RBM5: variants seen among roughly 807,000 people sequenced by gnomAD.
RBM5 encodes the protein RNA-binding protein 5.
A neutral mutation model predicts 124.6 loss-of-function variants in RBM5; 15 were observed. The ratio of observed to expected loss-of-function variants is 0.12; its 90% CI spans 0.08 to 0.19. The LOEUF is 0.19. Among genes scored for constraint, RBM5 ranks in the 10% least tolerant of loss-of-function variants. The pLI, the probability that RBM5 is intolerant of heterozygous loss-of-function variation, is 1.00. For synonymous variants in RBM5, 337 were observed against 361.2 expected (o/e 0.93, Z 0.76); for missense variants, 580 against 1,026.5 (o/e 0.57, Z 5.94).
At chr3:50,104,872 G>A (rs2091001110) in intron 8 of RBM5, 3 of 505,410 alleles carry the variant, frequency 5.9e-6, no homozygotes, top group Admixed American at 6.4e-5. Context: ...GTGCAGGGTA[G>A]TGTCAGTCCC....
intron 15 of RBM5, 93 bp from the exon 16 acceptor site, chr3:50,110,286 C>T: frequency 1.9e-6 from 2 of 1,048,554 alleles, no homozygotes; most frequent in Non-Finnish European, 2.9e-6. Flanking sequence ...GTGTGTCTGT[C>T]AGGGGAGCCC....
At chr3:50,113,730 C>G (rs923756094) in intron 18 of RBM5, among the ~76,000 whole-genome samples, 186 bp downstream of exon 18, 12 of 152,082 alleles carry the variant, frequency 7.9e-5, no homozygotes, top group Non-Finnish European at 1.6e-4. Flanking sequence ...AGCCTGTGTA[C>G]TTAGGGAAAA....
intron 4 of RBM5, among the ~76,000 whole-genome samples, chr3:50,097,513 C>G (rs1478159759): frequency 6.6e-6 from 1 of 151,770 alleles, no homozygotes; most frequent in Non-Finnish European, 1.5e-5. Context: ...TGTAGTCTTG[C>G]AGCCGTTGCA....
intron 2 of RBM5, among the ~76,000 whole-genome samples, chr3:50,090,922 A>G (rs1272426792): frequency 6.6e-6 from 1 of 152,236 alleles, no homozygotes; most frequent in Non-Finnish European, 1.5e-5. Context: ...GAATAGCAAG[A>G]TGATCCAGAC....
At chr3:50,093,332 G>A (rs527626910) in intron 3 of RBM5, among the ~76,000 whole-genome samples, 87 of 151,224 alleles carry the variant, frequency 5.8e-4, no homozygotes, top group Admixed American at 1.5e-3. Flanking sequence ...CCAACTACTC[G>A]GGAGGCTGAA....
chr3:50,112,332 C>T (rs999306085), intron 17 of RBM5, among the ~76,000 whole-genome samples: 2 of 143,646 alleles, frequency 1.4e-5, no homozygotes, highest in East Asian at 2.0e-4. Flanking sequence ...AGGAGAATGG[C>T]GTGAACCCGG....
In RBM5 at chr3:50,090,278, T is replaced by G. The variant is rs532669456; in HGVS notation, c.-53-104T>G. ...ACCTTAGATAATCACTGTCAATGAT[T>G]TGAAGGTTTGATGAAATCCCAGCCT... On this transcript the variant is annotated intron_variant, in intron 1 of 24. Transcript: ENST00000347869. 78 of 692,596 alleles carry G rather than the reference T, an allele frequency of 1.1e-4. No individual in the cohort carries two copies. The Admixed American group carries it at 2.4e-3, about 21-fold the overall frequency. 42.9% of individuals were successfully genotyped at this position (692,596 alleles called of 1,614,324 possible).
intron 21 of RBM5, 118 bp from the exon 22 acceptor site, chr3:50,115,788 T>C (rs2091239355): frequency 8.3e-7 from 1 of 1,201,046 alleles, no homozygotes; most frequent in Non-Finnish European, 1.2e-6. Flanking sequence ...ATAGTTTTTA[T>C]GTGATTGTGT....
At chr3:50,115,702 C>A in intron 21 of RBM5, 95 bp downstream of exon 21, 1 of 1,419,742 alleles carries the variant, frequency 7.0e-7, no homozygotes, top group Non-Finnish European at 9.6e-7. Context: ...AAATACCTGC[C>A]ATCTAATGAT....
intron 4 of RBM5, among the ~76,000 whole-genome samples, chr3:50,097,089 G>A (rs1278404869): frequency 6.6e-6 from 1 of 152,092 alleles, no homozygotes; most frequent in African/African-American, 2.4e-5. Flanking sequence ...GTCTAGCTAA[G>A]CCTAAAAGAA....
chr3:50,107,927 C>A (rs146773930), intron 12 of RBM5, 143 bp from the exon 13 acceptor site: 74 of 694,004 alleles, frequency 1.1e-4, no homozygotes, highest in African/African-American at 8.7e-4. Flanking sequence ...CTCAGGTGAT[C>A]CACCCACGTC....
rs752041306 is a variant in RBM5, at chr3:50,115,919, T to C, written c.2033T>C (p.Ile678Thr). The C allele has an allele frequency of 2.5e-6, 4 of 1,613,400 alleles. No homozygotes were observed. Among genetic ancestry groups the C allele is most frequent in the Non-Finnish European group, 3.4e-6 (4 of 1,179,346 alleles). Residue 678 changes from isoleucine to threonine, a missense_variant, in exon 22 of 25, where the codon ATC becomes ACC. By Grantham distance (89) the Ile-to-Thr change is moderately conservative (BLOSUM62 -1). Transcript: ENST00000347869. Reference sequence around the variant, plus strand: ...TCTTTTGTGTAGCAAAACATGGACATCTATCGACGATCCAGGCTGAGCGAG... The same window carrying C: ...TCTTTTGTGTAGCAAAACATGGACACCTATCGACGATCCAGGCTGAGCGAG... ...LSDLHKQNMD[I>T]YRRSRLSEQE...
Position 50,117,016 on chromosome 3 carries a change from A to C in RBM5, c.2095-58A>C. 6.7e-7 allele frequency: 1 copy of C among 1,490,796 alleles called. No individual in the cohort carries two copies. The highest frequency in any genetic ancestry group is 9.4e-7 in the Non-Finnish European group (1 of 1,068,872). 92.3% of individuals were successfully genotyped at this position (1,490,796 alleles called of 1,614,324 possible). On this transcript the variant is annotated intron_variant, in intron 22 of 24. Coordinates refer to ENST00000347869, the MANE Select transcript of RBM5 (RefSeq NM_005778.4). The surrounding 1 kb of genome is among the most constrained non-coding windows in gnomAD (Gnocchi z 4.2). ...GGGGATAGTTTTGAATAGGTGCATT[A>C]GACGGTTACAGGTTGAAGTCTGTGA...
At chr3:50,096,950 G>C (rs897775679) in intron 4 of RBM5, among the ~76,000 whole-genome samples, 2 of 152,082 alleles carry the variant, frequency 1.3e-5, no homozygotes, top group Non-Finnish European at 2.9e-5. Context: ...CACATGAGCA[G>C]GGAATAGAAA....
chr3:50,115,997 G>T lies in RBM5; in HGVS notation c.2094+17G>T. On this transcript the variant is annotated intron_variant, in intron 22 of 24. Transcript: ENST00000347869. The stretch of plus-strand genomic sequence containing the variant: ...GAGAGAGAGGTGAATGGGAAACTGT[G>T]CCACAAGGAAGAGGATATTGGGATA... The T allele has an allele frequency of 1.3e-6, 2 of 1,599,484 alleles. No individual in the cohort carries two copies. Among genetic ancestry groups the T allele is most frequent in the Non-Finnish European group, 1.7e-6 (2 of 1,166,736 alleles).
At chr3:50,105,005 G>T in intron 8 of RBM5, 72 bp from the exon 9 acceptor site, 2 of 1,168,708 alleles carry the variant, frequency 1.7e-6, no homozygotes, top group Non-Finnish European at 1.3e-6. Flanking sequence ...AAAACTTGTG[G>T]GGATTTTAAT....
At chr3:50,102,998 T>G in intron 6 of RBM5, 85 bp from the exon 7 acceptor site, 1 of 1,083,704 alleles carries the variant, frequency 9.2e-7, no homozygotes, top group African/African-American at 1.6e-5. Context: ...TCCAGAGCAC[T>G]GATTTTTCCG....
intron 6 of RBM5, chr3:50,102,527 A>G (rs2090959941): frequency 6.5e-6 from 1 of 152,700 alleles, no homozygotes; most frequent in African/African-American, 2.4e-5. Flanking sequence ...GTCCCTCTTG[A>G]GAAAGAATTG....
At chr3:50,090,133 A>G in intron 1 of RBM5, 1 of 297,032 alleles carries the variant, frequency 3.4e-6, no homozygotes, top group Non-Finnish European at 6.5e-6. Flanking sequence ...GCTCCGTATT[A>G]TGATTCTGTT....
Sources: gnomAD v4.1 joint callset for allele counts (sites outside exome capture counted in the v4.1 genomes callset) on GRCh38, gnomAD v4.1.1 for gene constraint, Gnocchi (gnomAD v3.1) non-coding constraint, MANE v1.5 for transcripts, NCBI Gene and HGNC (gene_info 2026-07-23, HGNC 2026-07-21) for gene names.